Variants in PDE11A observed in about 807,000 individuals in gnomAD.
PDE11A encodes phosphodiesterase 11A.
Under a neutral mutation model 100.5 loss-of-function variants are expected in PDE11A, and 100 were observed. The ratio of observed to expected loss-of-function variants is 1.00; its 90% CI spans 0.85 to 1.18. The LOEUF (loss-of-function observed/expected upper bound fraction) is 1.18, where lower values mean the gene tolerates loss of function less well. Ranked by LOEUF, PDE11A falls within the 50% of genes most tolerant of loss-of-function variation. The probability of loss-of-function intolerance (pLI) is 0.00; values close to 1 mark genes in which losing one functional copy is unlikely to be tolerated. For missense variants in PDE11A, 1,141 were observed against 1,152.6 expected, an observed-to-expected ratio of 0.99 and a Z score of 0.15; for synonymous variants, 381 against 420.8, an observed-to-expected ratio of 0.91 and a Z score of 1.16.
At chr2:177,675,349 T>C in intron 17 of PDE11A, 106 bp downstream of exon 17, 11 of 819,948 alleles carry the variant, frequency 1.3e-5, no homozygotes, top group Non-Finnish European at 2.3e-5. Flanking sequence ...CTGATGCAAA[T>C]TGACTAGGGT....
chr2:177,795,194 C>G (rs1427331650), intron 9 of PDE11A, among the ~76,000 whole-genome samples: 1 of 152,066 alleles, frequency 6.6e-6, no homozygotes. Flanking sequence ...CTGATGGGGC[C>G]AAATTTGGAG....
chr2:177,662,118 T>C (rs1468151778), intron 19 of PDE11A, among the ~76,000 whole-genome samples: 1 of 152,232 alleles, frequency 6.6e-6, no homozygotes, highest in Non-Finnish European at 1.5e-5. Flanking sequence ...TAAATTCAAG[T>C]AACTTCCTTT....
At chr2:178,009,925 T>C (rs1296969694) in intron 2 of PDE11A, among the ~76,000 whole-genome samples, 1 of 152,206 alleles carries the variant, frequency 6.6e-6, no homozygotes, top group African/African-American at 2.4e-5. Flanking sequence ...CATATTATGC[T>C]AATGTGCAAC....
chr2:177,929,219 C>G (rs912084955), intron 2 of PDE11A, among the ~76,000 whole-genome samples: 5 of 152,132 alleles, frequency 3.3e-5, no homozygotes, highest in African/African-American at 1.2e-4. Flanking sequence ...GCAGTGTGCA[C>G]CAGCCCACAG....
intron 10 of PDE11A, among the ~76,000 whole-genome samples, chr2:177,766,468 AC>A (rs2082241481): frequency 6.6e-6 from 1 of 152,212 alleles, no homozygotes; most frequent in African/African-American, 2.4e-5. Flanking sequence ...ACTTAAAAAA[AC>A]TTTTTTACAA....
At chr2:178,057,245 T>C (rs1395201666) in intron 1 of PDE11A, among the ~76,000 whole-genome samples, 1 of 152,190 alleles carries the variant, frequency 6.6e-6, no homozygotes, top group Non-Finnish European at 1.5e-5. Flanking sequence ...TCTAGGGTAA[T>C]GGTAGATAAT....
chr2:178,000,954 C>T (rs140532151), intron 2 of PDE11A, among the ~76,000 whole-genome samples: 28 of 152,230 alleles, frequency 1.8e-4, no homozygotes, highest in African/African-American at 6.3e-4. Context: ...GAACATCCAC[C>T]GAGTGTCCCC....
chr2:177,698,478 GACCA>G (rs2081150132), intron 14 of PDE11A: 2 of 152,136 alleles, frequency 1.3e-5, no homozygotes, highest in South Asian at 4.2e-4. Context: ...CTGGGAACTG[GACCA>G]GTTTTAAATC....
chr2:177,979,396 G>A (rs189394437), intron 2 of PDE11A, among the ~76,000 whole-genome samples: 2 of 150,616 alleles, frequency 1.3e-5, no homozygotes, highest in Admixed American at 1.3e-4. Context: ...ATTGTTATGA[G>A]ATAGCCAACT....
chr2:177,820,678 TTGAC>T (rs1306035760), intron 6 of PDE11A, among the ~76,000 whole-genome samples: 1 of 151,990 alleles, frequency 6.6e-6, no homozygotes, highest in Non-Finnish European at 1.5e-5. Context: ...ATTTTTATCT[TTGAC>T]TGGGTGCACT....
At chr2:177,921,623 A>T (rs1429006513) in intron 2 of PDE11A, 1 of 152,110 alleles carries the variant, frequency 6.6e-6, no homozygotes, top group Non-Finnish European at 1.5e-5. Flanking sequence ...TTTTCCATAG[A>T]CTAGTTTCTG....
chr2:177,916,927 A>AT (rs1183483256), intron 2 of PDE11A, among the ~76,000 whole-genome samples: 3,546 of 105,218 alleles, frequency 0.034, 84 homozygotes, highest in Non-Finnish European at 0.045. Flanking sequence ...CGCCCGGCTA[A>AT]TTTTTTTTTT....
rs377597315 is a variant in PDE11A at position 178,014,256 on chromosome 2, A to G, written c.1071+46T>C. The G allele has an allele frequency of 1.4e-4, 204 of 1,444,896 alleles. 2 individuals carry two copies. In the South Asian group the frequency reaches 2.2e-3, roughly 16 times the overall value. The allele number at this position is 1,444,896 out of a possible 1,614,324, so 89.5% of individuals were successfully genotyped here. On this transcript the variant is annotated intron_variant, in intron 2 of 19. Transcript: ENST00000286063. ...GTCTTTTAAAGGAGAATAGCAATCAATGACCAAGAAGAAAAGTACAACTCA... is the reference window on the plus strand; with the variant it reads ...GTCTTTTAAAGGAGAATAGCAATCAGTGACCAAGAAGAAAAGTACAACTCA...
At chr2:177,859,038 T>A (rs932067507) in intron 5 of PDE11A, among the ~76,000 whole-genome samples, 2 of 152,002 alleles carry the variant, frequency 1.3e-5, no homozygotes, top group Non-Finnish European at 2.9e-5. Context: ...TAGGTGGGAA[T>A]TGAACAATGA....
intron 4 of PDE11A, among the ~76,000 whole-genome samples, chr2:177,877,017 C>T (rs79815425): frequency 0.025 from 3,692 of 147,050 alleles, 382 homozygotes; most frequent in East Asian, 0.076. Context: ...GGGAGACGGA[C>T]GGGGGATGTA....
At chr2:178,070,246 TAAC>T (rs913178594) in intron 1 of PDE11A, among the ~76,000 whole-genome samples, 13 of 152,312 alleles carry the variant, frequency 8.5e-5, no homozygotes, top group Non-Finnish European at 1.9e-4. Flanking sequence ...AATAAAAAGT[TAAC>T]AAAAATGGTA....
At chr2:177,805,655 G>A (rs1195835509) in intron 9 of PDE11A, among the ~76,000 whole-genome samples, 1 of 152,152 alleles carries the variant, frequency 6.6e-6, no homozygotes, top group African/African-American at 2.4e-5. Context: ...AATTCAAGGA[G>A]AGGGATAGAT....
At chr2:178,012,033 T>C (rs894431771) in intron 2 of PDE11A, 6 of 152,196 alleles carry the variant, frequency 3.9e-5, no homozygotes, top group Admixed American at 2.6e-4. Context: ...GTTTGCAATA[T>C]ATAGGATCCT....
In PDE11A at chr2:177,680,877, A is replaced by C; in HGVS notation, c.2372T>G (p.Val791Gly). The C allele has an allele frequency of 6.3e-7, 1 of 1,593,408 alleles. No individual in the cohort carries two copies. Among genetic ancestry groups the C allele is most frequent in the Non-Finnish European group, 8.6e-7 (1 of 1,162,132 alleles). ...FERRTEFFEL[V>G]SKGEYDWNIK... ...GTTCCAATCGTATTCTCCTTTACTG[A>C]CAAGTTCAAAGAATTCAGTTCTCCT... is the stretch of plus-strand genomic sequence containing the variant. The change falls in exon 16 of 20, where the codon GTC (valine) becomes GGC (glycine). Residue 791 changes from valine to glycine, a missense_variant. Coordinates refer to ENST00000286063, the MANE Select transcript of PDE11A (RefSeq NM_016953.4).
Sources: gnomAD v4.1 joint callset for allele counts (sites outside exome capture counted in the v4.1 genomes callset) on GRCh38, gnomAD v4.1.1 for gene constraint, MANE v1.5 for transcripts, NCBI Gene and HGNC (gene_info 2026-07-23, HGNC 2026-07-21) for gene names.